The following ADGRV1 variants were observed in gnomAD, a reference collection of about 807,000 sequenced individuals.
ADGRV1 encodes the protein adhesion G protein-coupled receptor V1.
Under a neutral mutation model 596.2 loss-of-function variants are expected in ADGRV1, and 359 were observed. The ratio of observed to expected loss-of-function variants is 0.60; its 90% CI spans 0.55 to 0.66. The LOEUF is 0.66. Ranked by LOEUF, ADGRV1 falls within the 30% of genes least tolerant of loss-of-function variation. The pLI is 0.00. For missense variants in ADGRV1, 7,274 were observed against 7,575.6 expected (o/e 0.96, Z 1.48); for synonymous variants, 2,681 against 2,679.2 (o/e 1.00, Z -0.02).
chr5:90,582,109 G>GTTT (rs71614756), intron 1 of ADGRV1, among the ~76,000 whole-genome samples: 1 of 127,982 alleles, frequency 7.8e-6, no homozygotes, highest in Non-Finnish European at 1.7e-5. Context: ...CCAAGCATGT[G>GTTT]TTTTTTTTTT....
At chr5:91,028,037 C>CTTTTTTTTT (rs748293256) in intron 85 of ADGRV1, among the ~76,000 whole-genome samples, 1 of 102,606 alleles carries the variant, frequency 9.7e-6, no homozygotes, top group African/African-American at 3.3e-5. Context: ...TTTTTTCTTT[C>CTTTTTTTTT]TTTTTTTTTT....
chr5:91,149,465 A>G (rs537489761), intron 87 of ADGRV1, among the ~76,000 whole-genome samples: 25 of 152,234 alleles, frequency 1.6e-4, no homozygotes, highest in African/African-American at 4.6e-4. Flanking sequence ...GCCTTCCACC[A>G]TGATGTTAAG....
At chr5:90,894,724 G>C (rs1036706187) in intron 83 of ADGRV1, among the ~76,000 whole-genome samples, 3 of 152,042 alleles carry the variant, frequency 2.0e-5, no homozygotes, top group African/African-American at 7.2e-5. Flanking sequence ...GCAAGACAAT[G>C]GGTATCTATT....
intron 9 of ADGRV1, chr5:90,629,794 C>G (rs1765260347): frequency 3.2e-6 from 1 of 311,536 alleles, no homozygotes; most frequent in African/African-American, 2.1e-5. Context: ...CGTGAAATGC[C>G]AGTCATGCAA....
intron 52 of ADGRV1, 67 bp from the exon 53 acceptor site, chr5:90,750,484 G>C (rs1227679598): frequency 7.3e-7 from 1 of 1,377,144 alleles, no homozygotes; most frequent in Non-Finnish European, 9.9e-7. Context: ...AATAACATGA[G>C]ACAAAAAAAG....
At chr5:90,951,040 TAAAAAC>T (rs1777021587) in intron 83 of ADGRV1, among the ~76,000 whole-genome samples, 1 of 152,142 alleles carries the variant, frequency 6.6e-6, no homozygotes, top group African/African-American at 2.4e-5. Context: ...GGTGAAAACA[TAAAAAC>T]AATAGGCAAA....
At chr5:91,015,523 T>C (rs1469373616) in intron 85 of ADGRV1, among the ~76,000 whole-genome samples, 3 of 152,098 alleles carry the variant, frequency 2.0e-5, no homozygotes, top group African/African-American at 7.2e-5. Flanking sequence ...CTATGTCTCT[T>C]TGTAGGTTTC....
At chr5:90,963,664 T>C (rs1581645725) in intron 83 of ADGRV1, among the ~76,000 whole-genome samples, 1 of 151,854 alleles carries the variant, frequency 6.6e-6, no homozygotes, top group Non-Finnish European at 1.5e-5. Context: ...TTCTGGAGTC[T>C]TGGAGTAGAA....
chr5:91,162,059 G>C (rs1172789138), intron 89 of ADGRV1, among the ~76,000 whole-genome samples: 3 of 152,190 alleles, frequency 2.0e-5, no homozygotes, highest in African/African-American at 7.2e-5. Context: ...AGTGTAACTG[G>C]CAATAGGAAC....
rs150199263 is a variant in ADGRV1 at position 91,120,452 on chromosome 5, A to C, written c.18432+18112A>C. On this transcript the variant is annotated intron_variant, in intron 87 of 89. Transcript: ENST00000405460. Reference sequence around the variant, plus strand: ...GTGGCCTCTGGCTTACCTAATAGGCATTCCCTCATAGTCCATGTGGATCAG... The same window carrying C: ...GTGGCCTCTGGCTTACCTAATAGGCCTTCCCTCATAGTCCATGTGGATCAG... Among the ~76,000 whole-genome samples, 30 of 152,322 alleles carry C rather than the reference A, an allele frequency of 2.0e-4. No homozygotes were observed. In the East Asian group the frequency reaches 5.2e-3, roughly 26 times the overall value.
chr5:90,683,446 C>T, intron 27 of ADGRV1, 140 bp from the exon 28 acceptor site: 2 of 665,616 alleles, frequency 3.0e-6, no homozygotes, highest in East Asian at 2.8e-5. Context: ...GTATATGACC[C>T]CTGCCTGCAG....
chr5:90,745,376 A>G (rs977626669), intron 51 of ADGRV1, 111 bp downstream of exon 51: 1 of 769,612 alleles, frequency 1.3e-6, no homozygotes, highest in Non-Finnish European at 2.0e-6. Flanking sequence ...TATAAGAGCT[A>G]TTTATCAGCC....
chr5:90,695,931 A>G (rs1747139626), intron 33 of ADGRV1, among the ~76,000 whole-genome samples: 1 of 152,166 alleles, frequency 6.6e-6, no homozygotes, highest in African/African-American at 2.4e-5. Context: ...CTACAAAGAA[A>G]GTTATATATA....
At chr5:90,655,776 T>A (rs933497957) in intron 20 of ADGRV1, 2 of 152,148 alleles carry the variant, frequency 1.3e-5, no homozygotes, top group African/African-American at 4.8e-5. Flanking sequence ...AAAATAATGC[T>A]GTGTTCAATA....
chr5:91,077,248 A>G (rs527923454), intron 86 of ADGRV1, among the ~76,000 whole-genome samples: 2 of 152,336 alleles, frequency 1.3e-5, no homozygotes, highest in East Asian at 3.9e-4. Flanking sequence ...CATAGACCTG[A>G]TATCTCCTGG....
chr5:90,777,260 A>C (rs1238060308), intron 61 of ADGRV1, among the ~76,000 whole-genome samples: 2 of 152,084 alleles, frequency 1.3e-5, no homozygotes, highest in Non-Finnish European at 2.9e-5. Context: ...GGAAAACAGC[A>C]AGGGGGAAGT....
intron 85 of ADGRV1, among the ~76,000 whole-genome samples, chr5:90,986,666 T>A (rs971125582): frequency 2.1e-5 from 3 of 140,912 alleles, no homozygotes; most frequent in African/African-American, 2.8e-5. Flanking sequence ...ATACTGATTA[T>A]TTTATATTAT....
At chr5:90,867,173 C>T (rs138905180) in intron 83 of ADGRV1, among the ~76,000 whole-genome samples, 5 of 151,948 alleles carry the variant, frequency 3.3e-5, no homozygotes, top group African/African-American at 1.2e-4. Context: ...AGCAATCCTC[C>T]AAATCTAAAA....
At chr5:90,840,499 T>G in intron 77 of ADGRV1, 79 bp from the exon 78 acceptor site, 1 of 1,234,518 alleles carries the variant, frequency 8.1e-7, no homozygotes, top group Non-Finnish European at 1.1e-6. Flanking sequence ...AAATTGAATT[T>G]GTTTAAGAAA....
Sources: allele counts gnomAD v4.1 joint callset (sites outside exome capture counted in the v4.1 genomes callset), GRCh38; gene constraint gnomAD v4.1.1; transcripts MANE v1.5; gene names NCBI Gene and HGNC (gene_info 2026-07-23, HGNC 2026-07-21).